The following ZPLD1 variants were observed in gnomAD, a reference collection of about 807,000 sequenced individuals.
ZPLD1 encodes the protein zona pellucida like domain containing 1.
ZPLD1 carries 34 observed loss-of-function variants against 47.2 expected under a neutral mutation model. The observed-to-expected ratio is 0.72, with a 90% CI of 0.55 to 0.96. ZPLD1 has a LOEUF of 0.96. Ranked by LOEUF, ZPLD1 falls within the 40% of genes least tolerant of loss-of-function variation. The pLI, the probability that ZPLD1 is intolerant of heterozygous loss-of-function variation, is 0.00. For synonymous variants in ZPLD1, 176 were observed against 186.2 expected, an observed-to-expected ratio of 0.95 and a Z score of 0.45; for missense variants, 512 against 505.8, an observed-to-expected ratio of 1.01 and a Z score of -0.12.
chr3:102,400,867 A>G (rs764586974), intron 7 of ZPLD1, among the ~76,000 whole-genome samples: 7 of 152,040 alleles, frequency 4.6e-5, no homozygotes, highest in Non-Finnish European at 7.4e-5. Flanking sequence ...CCACTCTTCA[A>G]ACTAGTCTCC....
chr3:102,462,196 TTCTC>T, intron 6 of ZPLD1, 81 bp from the exon 7 acceptor site: 2 of 775,660 alleles, frequency 2.6e-6, no homozygotes, highest in Non-Finnish European at 4.1e-6. Flanking sequence ...ACTTTCTTTT[TTCTC>T]TCTCTAATAT....
At chr3:102,437,035 C>A in intron 2 of ZPLD1, 62 bp downstream of exon 2, 2 of 718,804 alleles carry the variant, frequency 2.8e-6, no homozygotes, top group Non-Finnish European at 3.4e-6. Context: ...CTTCCAAAGA[C>A]TCCAAAAGAG....
At chr3:102,451,391 AT>A (rs1559755495) in intron 3 of ZPLD1, among the ~76,000 whole-genome samples, 2 of 152,188 alleles carry the variant, frequency 1.3e-5, no homozygotes. Context: ...AATCAAGGTC[AT>A]TTCCCCATTG....
chr3:102,403,872 A>G (rs879680638), intron 7 of ZPLD1, among the ~76,000 whole-genome samples: 13 of 149,544 alleles, frequency 8.7e-5, no homozygotes, highest in Middle Eastern at 3.5e-3. Flanking sequence ...TTGATGATAC[A>G]GATCACTACA....
intron 7 of ZPLD1, among the ~76,000 whole-genome samples, chr3:102,408,207 CA>C (rs1412772639): frequency 6.6e-6 from 1 of 151,616 alleles, no homozygotes; most frequent in Non-Finnish European, 1.5e-5. Context: ...CTCACAAGCA[CA>C]AAAAACCTAT....
chr3:102,402,908 C>G (rs1402422411), intron 7 of ZPLD1, among the ~76,000 whole-genome samples: 1 of 151,766 alleles, frequency 6.6e-6, no homozygotes, highest in Admixed American at 6.6e-5. Flanking sequence ...TTTTTAAAAC[C>G]TTTTCTTATG....
intron 3 of ZPLD1, among the ~76,000 whole-genome samples, chr3:102,445,559 G>A (rs1707244153): frequency 6.6e-6 from 1 of 152,328 alleles, no homozygotes; most frequent in South Asian, 2.1e-4. Flanking sequence ...AGCATCACCT[G>A]GAGGCTTGTA....
At chr3:102,433,206 C>G (rs1052165849), upstream of ZPLD1, among the ~76,000 whole-genome samples, 5 of 152,128 alleles carry the variant, frequency 3.3e-5, no homozygotes, top group Non-Finnish European at 7.4e-5. Flanking sequence ...TCAAATTTAC[C>G]AAGAAATTGC....
chr3:102,449,699 A>G (rs1707307825), intron 3 of ZPLD1, among the ~76,000 whole-genome samples: 1 of 152,186 alleles, frequency 6.6e-6, no homozygotes, highest in Non-Finnish European at 1.5e-5. Context: ...CATAATAATT[A>G]TTAGCATTAT....
intron 3 of ZPLD1, among the ~76,000 whole-genome samples, chr3:102,449,786 A>G (rs1707309375): frequency 6.6e-6 from 1 of 152,188 alleles, no homozygotes. Context: ...AACATACTAT[A>G]TATGTTTCAT....
chr3:102,472,837 A>G (rs1707705611), intron 10 of ZPLD1, among the ~76,000 whole-genome samples: 1 of 152,236 alleles, frequency 6.6e-6, no homozygotes, highest in African/African-American at 2.4e-5. Flanking sequence ...ACTAAGTATT[A>G]CAAATTTTAA....
chr3:102,473,702 T>G (rs1220581678), intron 10 of ZPLD1, among the ~76,000 whole-genome samples: 1 of 152,168 alleles, frequency 6.6e-6, no homozygotes, highest in East Asian at 1.9e-4. Context: ...TACTATGATA[T>G]CCATGAAAAT....
chr3:102,477,318 C>G, intron 11 of ZPLD1, 125 bp from the exon 12 acceptor site: 1 of 1,079,642 alleles, frequency 9.3e-7, no homozygotes, highest in Non-Finnish European at 1.3e-6. Flanking sequence ...GATTGTAACA[C>G]AATTCAGTGC....
At chr3:102,426,472 T>G (rs867297420) in intron 8 of ZPLD1, among the ~76,000 whole-genome samples, 1 of 151,054 alleles carries the variant, frequency 6.6e-6, no homozygotes, top group Non-Finnish European at 1.5e-5. Context: ...GAGCCAAGAT[T>G]GTGCCACTGC....
chr3:102,398,688 T>G (rs1706584021), intron 7 of ZPLD1, among the ~76,000 whole-genome samples: 1 of 152,164 alleles, frequency 6.6e-6, no homozygotes, highest in Non-Finnish European at 1.5e-5. Context: ...CTGTGCATTT[T>G]TAATATTAAC....
intron 7 of ZPLD1, among the ~76,000 whole-genome samples, chr3:102,411,725 G>T (rs1706749465): frequency 6.6e-6 from 1 of 151,522 alleles, no homozygotes; most frequent in East Asian, 1.9e-4. Flanking sequence ...TTTCATTTTG[G>T]GTATGGACAA....
rs1420890690 is a variant in ZPLD1, at chr3:102,428,137, CTT to C, written c.-9+9932_-9+9933del. On this transcript the variant is annotated intron_variant, in intron 8 of 17. Transcript: ENST00000491959. ...AATTAATAAAAATAGTATGTGTAGT[CTT>C]TCTATTGTTTCGGTCAATGACTTTA... Among the ~76,000 whole-genome samples the C allele has an allele frequency of 6.6e-5, 10 of 152,218 alleles. No homozygotes were observed. In the South Asian group the frequency reaches 1.0e-3, roughly 16 times the overall value.
upstream of ZPLD1, among the ~76,000 whole-genome samples, chr3:102,431,337 CA>C (rs368670509): frequency 1.9e-4 from 29 of 152,306 alleles, no homozygotes; most frequent in African/African-American, 6.7e-4. Flanking sequence ...GTTGGCTCAA[CA>C]TATTTCCTTC....
chr3:102,477,351 C>A, intron 11 of ZPLD1, 92 bp from the exon 12 acceptor site: 1 of 1,273,302 alleles, frequency 7.9e-7, no homozygotes, highest in Non-Finnish European at 1.1e-6. Context: ...CTATGAGATG[C>A]TGATGAAAGA....
Sources: gnomAD v4.1 joint callset for allele counts (sites outside exome capture counted in the v4.1 genomes callset) on GRCh38, gnomAD v4.1.1 for gene constraint, MANE v1.5 for transcripts, NCBI Gene and HGNC (gene_info 2026-07-23, HGNC 2026-07-21) for gene names.